PAK5: variants seen among roughly 807,000 people sequenced by gnomAD.
PAK5 encodes the protein p21 (RAC1) activated kinase 5.
A neutral mutation model predicts 65.9 loss-of-function variants in PAK5; 16 were observed. That is an observed-to-expected ratio of 0.24 (90% confidence interval 0.16 to 0.37). The LOEUF (loss-of-function observed/expected upper bound fraction) is 0.37, where lower values mean the gene tolerates loss of function less well. Ranked by LOEUF, PAK5 falls within the 10% of genes least tolerant of loss-of-function variation. PAK5 has a pLI of 1.00. For missense variants in PAK5, 785 were observed against 903.9 expected, an observed-to-expected ratio of 0.87 and a Z score of 1.69; for synonymous variants, 371 against 354.9, an observed-to-expected ratio of 1.05 and a Z score of -0.51.
At chr20:9,729,031 AT>A (rs1022611834) in intron 1 of PAK5, among the ~76,000 whole-genome samples, 96 of 152,152 alleles carry the variant, frequency 6.3e-4, no homozygotes, top group Non-Finnish European at 1.2e-3. Flanking sequence ...TATTTATACC[AT>A]TTTTTTGCAA....
intron 1 of PAK5, among the ~76,000 whole-genome samples, chr20:9,742,151 T>A (rs939640038): frequency 6.6e-6 from 1 of 152,008 alleles, no homozygotes; most frequent in Non-Finnish European, 1.5e-5. Flanking sequence ...TAGAGAAGAT[T>A]CAAATAAGGA....
At chr20:9,555,912 C>T (rs1044292831) in intron 7 of PAK5, among the ~76,000 whole-genome samples, 16 of 152,094 alleles carry the variant, frequency 1.1e-4, no homozygotes, top group African/African-American at 3.6e-4. Flanking sequence ...CTGCACTGTC[C>T]CTGCTGAGAG....
chr20:9,821,852 T>C (rs2049424556), intron 1 of PAK5, among the ~76,000 whole-genome samples: 1 of 152,228 alleles, frequency 6.6e-6, no homozygotes, highest in Non-Finnish European at 1.5e-5. Flanking sequence ...AAAATCATTT[T>C]GTATTATATA....
At chr20:9,756,409 T>C (rs1458337364) in intron 1 of PAK5, among the ~76,000 whole-genome samples, 1 of 151,976 alleles carries the variant, frequency 6.6e-6, no homozygotes, top group Non-Finnish European at 1.5e-5. Context: ...ATCCAGTAAA[T>C]AGCAATGCAA....
chr20:9,703,628 C>G (rs2047967817), intron 2 of PAK5, among the ~76,000 whole-genome samples: 1 of 152,116 alleles, frequency 6.6e-6, no homozygotes, highest in Non-Finnish European at 1.5e-5. Flanking sequence ...ACTCTCTCCC[C>G]TGTATGTAAG....
At chr20:9,799,314 C>A (rs532867839) in intron 1 of PAK5, among the ~76,000 whole-genome samples, 2 of 152,064 alleles carry the variant, frequency 1.3e-5, no homozygotes, top group Non-Finnish European at 2.9e-5. Flanking sequence ...AGGTGACAAT[C>A]GTATCTTTGG....
intron 1 of PAK5, among the ~76,000 whole-genome samples, chr20:9,805,638 A>G (rs1034289373): frequency 5.3e-5 from 8 of 152,204 alleles, no homozygotes; most frequent in African/African-American, 1.7e-4. Flanking sequence ...CACATACTCC[A>G]TTTATATTAG....
intron 1 of PAK5, among the ~76,000 whole-genome samples, chr20:9,753,842 G>T (rs2048603131): frequency 6.6e-6 from 1 of 152,112 alleles, no homozygotes; most frequent in South Asian, 2.1e-4. Context: ...TGGCATTTAA[G>T]CTCCAGAGCT....
At chr20:9,657,659 A>G (rs1390808899) in intron 2 of PAK5, among the ~76,000 whole-genome samples, 1 of 152,232 alleles carries the variant, frequency 6.6e-6, no homozygotes, top group Non-Finnish European at 1.5e-5. Context: ...CAGCATTATG[A>G]AAGTGTAACT....
At chr20:9,761,618 G>T (rs993271745) in intron 1 of PAK5, among the ~76,000 whole-genome samples, 1 of 152,100 alleles carries the variant, frequency 6.6e-6, no homozygotes, top group Non-Finnish European at 1.5e-5. Flanking sequence ...GAAGGCTGGA[G>T]GCACCATACT....
chr20:9,772,990 A>G (rs977543403), intron 1 of PAK5, among the ~76,000 whole-genome samples: 1 of 152,222 alleles, frequency 6.6e-6, no homozygotes, highest in African/African-American at 2.4e-5. Context: ...GCTTTTGAGG[A>G]AACTCAAACT....
chr20:9,615,324 A>C (rs1395987888), intron 3 of PAK5, among the ~76,000 whole-genome samples: 1 of 152,178 alleles, frequency 6.6e-6, no homozygotes, highest in Non-Finnish European at 1.5e-5. Flanking sequence ...ATGGACTTTG[A>C]GTGATAATGA....
intron 1 of PAK5, among the ~76,000 whole-genome samples, chr20:9,746,265 C>T (rs1399266632): frequency 6.6e-6 from 1 of 152,146 alleles, no homozygotes; most frequent in Non-Finnish European, 1.5e-5. Flanking sequence ...GGGCTGCCTC[C>T]ATCATGGCAG....
chr20:9,742,614 C>T (rs2048462514), intron 1 of PAK5, among the ~76,000 whole-genome samples: 1 of 152,290 alleles, frequency 6.6e-6, no homozygotes, highest in East Asian at 1.9e-4. Context: ...TTCATTTCTG[C>T]TGTTTTCCCT....
At chr20:9,729,775 T>C (rs1253985680) in intron 1 of PAK5, among the ~76,000 whole-genome samples, 2 of 98,332 alleles carry the variant, frequency 2.0e-5, no homozygotes, top group Non-Finnish European at 4.4e-5. Context: ...AGATTTGCTG[T>C]GTTTTGTTTT....
intron 3 of PAK5, among the ~76,000 whole-genome samples, chr20:9,608,952 A>G (rs1448062121): frequency 6.6e-6 from 1 of 152,242 alleles, no homozygotes; most frequent in Admixed American, 6.5e-5. Flanking sequence ...GATCTTCAAC[A>G]TGATGAAGAA....
intron 2 of PAK5, among the ~76,000 whole-genome samples, chr20:9,693,240 T>A (rs1327082950): frequency 6.6e-6 from 1 of 152,104 alleles, no homozygotes; most frequent in Non-Finnish European, 1.5e-5. Flanking sequence ...TCCTTGTAAA[T>A]CTGACATTTT....
At chr20:9,735,288 G>T (rs1003666959) in intron 1 of PAK5, among the ~76,000 whole-genome samples, 1 of 152,144 alleles carries the variant, frequency 6.6e-6, no homozygotes, top group Non-Finnish European at 1.5e-5. Context: ...GGGGTAGGGG[G>T]AAAGTGAGGC....
intron 3 of PAK5, among the ~76,000 whole-genome samples, chr20:9,613,276 C>T (rs2046597327): frequency 6.6e-6 from 1 of 152,206 alleles, no homozygotes; most frequent in African/African-American, 2.4e-5. Flanking sequence ...AGAAGTAAGG[C>T]CACAGGGCAA....
Sources: allele counts gnomAD v4.1 joint callset (sites outside exome capture counted in the v4.1 genomes callset), GRCh38; gene constraint gnomAD v4.1.1; transcripts MANE v1.5; gene names NCBI Gene and HGNC (gene_info 2026-07-23, HGNC 2026-07-21).